Variants in CNTN5 observed in about 807,000 individuals in gnomAD.
CNTN5 encodes the protein contactin-5.
CNTN5 carries 77 observed loss-of-function variants against 129.1 expected under a neutral mutation model. That is an observed-to-expected ratio of 0.60 (90% CI 0.50 to 0.72). CNTN5 has a LOEUF of 0.72. CNTN5 is among the 30% of genes least tolerant of loss of function. The pLI is 0.00. For missense variants in CNTN5, 1,478 were observed against 1,328.8 expected, an observed-to-expected ratio of 1.11 and a Z score of -1.75; for synonymous variants, 509 against 465.6, an observed-to-expected ratio of 1.09 and a Z score of -1.20.
chr11:100,312,564 A>G (rs1555067655), intron 21 of CNTN5, among the ~76,000 whole-genome samples: 1 of 152,022 alleles, frequency 6.6e-6, no homozygotes, highest in Admixed American at 6.6e-5. Context: ...TTTTCACTCT[A>G]TCCCTACCAC....
At chr11:99,042,629 C>T (rs1039696866) in intron 1 of CNTN5, among the ~76,000 whole-genome samples, 5 of 152,070 alleles carry the variant, frequency 3.3e-5, no homozygotes, top group Admixed American at 2.0e-4. Flanking sequence ...CCTGTCTCGG[C>T]CTCTCAAATT....
At chr11:99,612,577 G>C (rs1354523445) in intron 3 of CNTN5, among the ~76,000 whole-genome samples, 1 of 152,032 alleles carries the variant, frequency 6.6e-6, no homozygotes, top group Non-Finnish European at 1.5e-5. Context: ...TTTTGATCTG[G>C]AGGATTCTAA....
chr11:99,936,023 A>G (rs1388192176), intron 7 of CNTN5, among the ~76,000 whole-genome samples: 1 of 152,128 alleles, frequency 6.6e-6, no homozygotes, highest in Non-Finnish European at 1.5e-5. Flanking sequence ...TTTACGTTGT[A>G]TTTCCACCAG....
chr11:100,020,700 A>G (rs1004901162), intron 9 of CNTN5, among the ~76,000 whole-genome samples: 1 of 152,166 alleles, frequency 6.6e-6, no homozygotes, highest in South Asian at 2.1e-4. Context: ...ACAAAAAGCT[A>G]TTAGAACCAA....
intron 13 of CNTN5, among the ~76,000 whole-genome samples, chr11:100,103,288 G>T (rs1945291033): frequency 6.6e-6 from 1 of 152,122 alleles, no homozygotes; most frequent in African/African-American, 2.4e-5. Context: ...TATTTTTATT[G>T]ACATTTCAGT....
intron 1 of CNTN5, among the ~76,000 whole-genome samples, chr11:99,023,792 C>T (rs918921497): frequency 1.6e-4 from 24 of 151,888 alleles, no homozygotes; most frequent in Non-Finnish European, 3.2e-4. Flanking sequence ...AAATTTTTAC[C>T]AAGTCGTTGG....
intron 1 of CNTN5, among the ~76,000 whole-genome samples, chr11:99,206,882 A>T (rs2135652973): frequency 6.6e-6 from 1 of 152,244 alleles, no homozygotes; most frequent in African/African-American, 2.4e-5. Context: ...CAAATAAAGT[A>T]AACCCCAAAA....
chr11:99,915,250 A>G (rs1270543184), intron 6 of CNTN5, among the ~76,000 whole-genome samples: 1 of 152,106 alleles, frequency 6.6e-6, no homozygotes, highest in Non-Finnish European at 1.5e-5. Context: ...GAGCGTAAGT[A>G]CTGAGATATA....
chr11:99,722,825 G>A (rs1231744386), intron 3 of CNTN5, among the ~76,000 whole-genome samples: 3 of 151,640 alleles, frequency 2.0e-5, no homozygotes, highest in Non-Finnish European at 4.4e-5. Flanking sequence ...TATATATTAT[G>A]TATATGGGGC....
Position 100,027,879 on chromosome 11 carries a change from C to T in CNTN5, c.980+25743C>T, listed in dbSNP as rs769368683. Among the ~76,000 whole-genome samples, 15 of 152,176 alleles carry T rather than the reference C, an allele frequency of 9.9e-5. No homozygotes were observed. The East Asian group carries it at 1.4e-3, about 14-fold the overall frequency. On this transcript the variant is annotated intron_variant, in intron 9 of 24. Transcript: ENST00000524871. ...TTATATGCTGATGCCTAATATTTTG[C>T]GACTATTCTTTCATGTATTTTGTGT...
intron 3 of CNTN5, among the ~76,000 whole-genome samples, chr11:99,582,817 C>G (rs567972397): frequency 1.3e-5 from 2 of 152,310 alleles, no homozygotes; most frequent in South Asian, 4.1e-4. Flanking sequence ...GCCTTCCTCT[C>G]TCAACTCGTC....
Position 99,033,937 on chromosome 11 carries a change from C to T in CNTN5, c.-210+12667C>T, listed in dbSNP as rs1450241340. Among the ~76,000 whole-genome samples the T allele has an allele frequency of 3.3e-3, 506 of 151,204 alleles. 2 individuals are homozygous for T. The highest frequency in any genetic ancestry group is 0.012 in the African/African-American group (481 of 41,198). ...AGATAGCTCTTATTATTTTGAAATACGTCCCATCAATACCTAATTTATTGA... is the reference window on the plus strand; with the variant it reads ...AGATAGCTCTTATTATTTTGAAATATGTCCCATCAATACCTAATTTATTGA... On this transcript the variant is annotated intron_variant, in intron 1 of 24. Coordinates refer to ENST00000524871, the MANE Select transcript of CNTN5 (RefSeq NM_014361.4).
At chr11:99,246,306 AT>A (rs1861813747) in intron 1 of CNTN5, among the ~76,000 whole-genome samples, 1 of 124,596 alleles carries the variant, frequency 8.0e-6, no homozygotes, top group South Asian at 2.8e-4. Flanking sequence ...CCCACACATT[AT>A]TTCATCTGAT....
Position 99,951,239 on chromosome 11 carries a change from G to T in CNTN5, c.674-5567G>T, listed in dbSNP as rs186277437. On this transcript the variant is annotated intron_variant, in intron 7 of 24. Coordinates refer to ENST00000524871, the MANE Select transcript of CNTN5 (RefSeq NM_014361.4). Reference sequence around the variant, plus strand: ...TGTGTCTGTGTGTAATAGGGAAAGTGGGGCGCACAGACCAAGGGAAGAACT... The same window carrying T: ...TGTGTCTGTGTGTAATAGGGAAAGTTGGGCGCACAGACCAAGGGAAGAACT... Among the ~76,000 whole-genome samples the T allele has an allele frequency of 2.2e-3, 326 of 150,298 alleles. 2 individuals carry two copies. Among genetic ancestry groups the T allele is most frequent in the Admixed American group, 6.5e-3 (96 of 14,838 alleles).
chr11:99,742,635 A>C (rs1327448385), intron 3 of CNTN5, among the ~76,000 whole-genome samples: 1 of 152,168 alleles, frequency 6.6e-6, no homozygotes, highest in Non-Finnish European at 1.5e-5. Context: ...AGATTCATAC[A>C]CTATATTCAA....
chr11:99,292,613 G>C (rs1210416073), intron 1 of CNTN5, among the ~76,000 whole-genome samples: 1 of 152,108 alleles, frequency 6.6e-6, no homozygotes. Flanking sequence ...AATCCCCACT[G>C]AGTGTGTGTC....
chr11:100,033,803 T>C (rs1029438686), intron 9 of CNTN5, among the ~76,000 whole-genome samples: 6 of 152,210 alleles, frequency 3.9e-5, no homozygotes, highest in Admixed American at 1.3e-4. Context: ...TTGTGGCTAA[T>C]TGCGACACTC....
intron 2 of CNTN5, among the ~76,000 whole-genome samples, chr11:99,535,513 A>C (rs1031793348): frequency 6.6e-6 from 1 of 152,172 alleles, no homozygotes; most frequent in Non-Finnish European, 1.5e-5. Flanking sequence ...GGATCCCATT[A>C]GAATCACATG....
At chr11:99,056,136 T>G (rs1241743450) in intron 1 of CNTN5, among the ~76,000 whole-genome samples, 1 of 151,970 alleles carries the variant, frequency 6.6e-6, no homozygotes, top group Non-Finnish European at 1.5e-5. Flanking sequence ...TCTTATTTAT[T>G]TTTTATATTA....
Sources: gnomAD v4.1 joint callset for allele counts (sites outside exome capture counted in the v4.1 genomes callset) on GRCh38, gnomAD v4.1.1 for gene constraint, MANE v1.5 for transcripts, NCBI Gene and HGNC (gene_info 2026-07-23, HGNC 2026-07-21) for gene names.